ETV6: variants seen among roughly 807,000 people sequenced by gnomAD.
ETV6 encodes ETS variant transcription factor 6.
Under a neutral mutation model 51.1 loss-of-function variants are expected in ETV6, and 16 were observed. The ratio of observed to expected loss-of-function variants is 0.31; its 90% CI spans 0.21 to 0.48. The LOEUF (loss-of-function observed/expected upper bound fraction) is 0.48. Ranked by LOEUF, ETV6 falls within the 20% of genes least tolerant of loss-of-function variation. The pLI, the probability that ETV6 is intolerant of heterozygous loss-of-function variation, is 0.99. For synonymous variants in ETV6, 240 were observed against 224.1 expected (o/e 1.07, Z -0.64); for missense variants, 458 against 594.8 (o/e 0.77, Z 2.39).
intron 1 of ETV6, among the ~76,000 whole-genome samples, chr12:11,721,156 G>A (rs1865377757): frequency 6.6e-6 from 1 of 152,138 alleles, no homozygotes; most frequent in African/African-American, 2.4e-5. Context: ...AAAGCAGTTT[G>A]GAGATTTCTC....
chr12:11,802,979 C>G (rs961068212), intron 2 of ETV6, among the ~76,000 whole-genome samples: 2 of 152,224 alleles, frequency 1.3e-5, no homozygotes. Flanking sequence ...TATAGGTAGA[C>G]AGCTGCCACA....
At chr12:11,766,492 C>T (rs1046810607) in intron 2 of ETV6, among the ~76,000 whole-genome samples, 1 of 152,202 alleles carries the variant, frequency 6.6e-6, no homozygotes, top group African/African-American at 2.4e-5. Context: ...TCCGTCCCCC[C>T]ACACCTTTCT....
intron 2 of ETV6, among the ~76,000 whole-genome samples, chr12:11,778,876 T>C (rs1945372684): frequency 6.6e-6 from 1 of 152,230 alleles, no homozygotes; most frequent in African/African-American, 2.4e-5. Context: ...GTAAAACTGA[T>C]TGCTCAAGTG....
intron 2 of ETV6, among the ~76,000 whole-genome samples, chr12:11,790,635 A>AAAC (rs60479342): frequency 1.3e-5 from 2 of 150,182 alleles, no homozygotes; most frequent in East Asian, 2.0e-4. Context: ...CTTTCATATA[A>AAAC]TTTCCGTTAA....
chr12:11,836,951 G>A (rs141976911), intron 2 of ETV6, among the ~76,000 whole-genome samples: 2 of 152,368 alleles, frequency 1.3e-5, no homozygotes, highest in East Asian at 3.9e-4. Flanking sequence ...GTGTGAAGGA[G>A]AGGAAGGTCC....
chr12:11,701,095 A>G (rs992269695), intron 1 of ETV6, among the ~76,000 whole-genome samples: 4 of 147,654 alleles, frequency 2.7e-5, no homozygotes, highest in East Asian at 2.0e-4. Flanking sequence ...TTTTTTTGCC[A>G]TTTCTTTTTT....
intron 5 of ETV6, among the ~76,000 whole-genome samples, chr12:11,878,673 G>A (rs980862288): frequency 6.6e-6 from 1 of 151,918 alleles, no homozygotes; most frequent in African/African-American, 2.4e-5. Context: ...GTGCCACCGT[G>A]CACATATGTT....
At chr12:11,695,183 T>C (rs991992147) in intron 1 of ETV6, among the ~76,000 whole-genome samples, 2 of 152,188 alleles carry the variant, frequency 1.3e-5, no homozygotes, top group African/African-American at 2.4e-5. Flanking sequence ...CTTAGAAAAT[T>C]ACTGTGATAG....
At chr12:11,822,851 T>C (rs897551854) in intron 2 of ETV6, among the ~76,000 whole-genome samples, 1 of 152,224 alleles carries the variant, frequency 6.6e-6, no homozygotes, top group Non-Finnish European at 1.5e-5. Context: ...CATGGAGGAA[T>C]GGGAAAGATT....
intron 2 of ETV6, among the ~76,000 whole-genome samples, chr12:11,827,772 T>C (rs1312435226): frequency 6.6e-6 from 1 of 152,188 alleles, no homozygotes; most frequent in African/African-American, 2.4e-5. Context: ...TTTACTCTGG[T>C]TACACTTTGC....
At chr12:11,808,030 A>C (rs1169732074) in intron 2 of ETV6, among the ~76,000 whole-genome samples, 1 of 152,212 alleles carries the variant, frequency 6.6e-6, no homozygotes, top group African/African-American at 2.4e-5. Flanking sequence ...AATCAATGAA[A>C]TCATAAAAAA....
At chr12:11,774,802 A>C (rs1398882755) in intron 2 of ETV6, among the ~76,000 whole-genome samples, 1 of 152,218 alleles carries the variant, frequency 6.6e-6, no homozygotes, top group Non-Finnish European at 1.5e-5. Flanking sequence ...AACTTGGAGA[A>C]AATGAACAAC....
chr12:11,877,038 T>C (rs544625409), intron 5 of ETV6, among the ~76,000 whole-genome samples: 1 of 152,366 alleles, frequency 6.6e-6, no homozygotes, highest in East Asian at 1.9e-4. Flanking sequence ...CATTGCTTAT[T>C]TGTCACCCAA....
At chr12:11,660,272 C>T (rs1416641461) in intron 1 of ETV6, among the ~76,000 whole-genome samples, 1 of 152,094 alleles carries the variant, frequency 6.6e-6, no homozygotes, top group African/African-American at 2.4e-5. Context: ...TAGATCTGCA[C>T]TAGGGTATAC....
chr12:11,679,984 G>A lies in ETV6; in HGVS notation c.33+29824G>A, dbSNP rs578150495. 2.0e-5 allele frequency among the ~76,000 whole-genome samples: 3 copies of A among 152,288 alleles called. No individual in the cohort carries two copies. In the South Asian group the frequency reaches 6.2e-4, roughly 32 times the overall value. The stretch of plus-strand genomic sequence containing the variant: ...AGACTAACACTTGGCTGGGAATTGG[G>A]ACTAACTGTGTCCTTGGATAAGACT... On this transcript the variant is annotated intron_variant, in intron 1 of 7. Transcript: ENST00000396373.
intron 2 of ETV6, among the ~76,000 whole-genome samples, chr12:11,795,592 G>C (rs1945664722): frequency 6.6e-6 from 1 of 152,206 alleles, no homozygotes; most frequent in Non-Finnish European, 1.5e-5. Context: ...TCACTTACTG[G>C]CGTGCCCTCC....
intron 1 of ETV6, among the ~76,000 whole-genome samples, chr12:11,744,407 A>G (rs2121033767): frequency 6.6e-6 from 1 of 152,342 alleles, no homozygotes; most frequent in South Asian, 2.1e-4. Flanking sequence ...TGTTAGAACT[A>G]GGAAGAAAGG....
intron 1 of ETV6, among the ~76,000 whole-genome samples, chr12:11,740,033 C>G (rs1357243845): frequency 6.6e-6 from 1 of 152,196 alleles, no homozygotes; most frequent in East Asian, 1.9e-4. Flanking sequence ...GAGAGGACAG[C>G]TTTACCTCTG....
chr12:11,798,816 C>T (rs1337728838), intron 2 of ETV6, among the ~76,000 whole-genome samples: 1 of 152,152 alleles, frequency 6.6e-6, no homozygotes, highest in Admixed American at 6.5e-5. Context: ...CATTTCAGAT[C>T]TCTTGAGTCC....
Sources: gnomAD v4.1 joint callset for allele counts (sites outside exome capture counted in the v4.1 genomes callset) on GRCh38, gnomAD v4.1.1 for gene constraint, MANE v1.5 for transcripts, NCBI Gene and HGNC (gene_info 2026-07-23, HGNC 2026-07-21) for gene names.